PIGR: variants seen among roughly 807,000 people sequenced by gnomAD.
The protein encoded by PIGR is polymeric immunoglobulin receptor, also known as hepatocellular carcinoma associated protein TB6.
PIGR carries 22 observed loss-of-function variants against 69.5 expected under a neutral mutation model. The ratio of observed to expected loss-of-function variants is 0.32; its 90% CI spans 0.23 to 0.45. The LOEUF (loss-of-function observed/expected upper bound fraction) is 0.45. Among genes scored for constraint, PIGR ranks in the 20% least tolerant of loss-of-function variants. The pLI, the probability that PIGR is intolerant of heterozygous loss-of-function variation, is 1.00. For synonymous variants in PIGR, 413 were observed against 407.6 expected, an observed-to-expected ratio of 1.01 and a Z score of -0.16; for missense variants, 885 against 974.0, an observed-to-expected ratio of 0.91 and a Z score of 1.22.
At chr1:206,931,400 C>T (rs932291759) in intron 10 of PIGR, 97 bp downstream of exon 10, 30 of 1,610,224 alleles carry the variant, frequency 1.9e-5, no homozygotes, top group South Asian at 6.6e-5. Context: ...ATTCTGGGAT[C>T]GGCCCCCATG....
rs917105320 is a variant in PIGR, at chr1:206,935,156, A to G, written c.1378+330T>C. Among the ~76,000 whole-genome samples, 1 of 152,154 alleles carries G rather than the reference A, an allele frequency of 6.6e-6. No individual in the cohort carries two copies. Among genetic ancestry groups the G allele is most frequent in the African/African-American group, 2.4e-5 (1 of 41,420 alleles). ...ATCCAGAGTCTACCATAGACCATAG[A>G]TCTTCACACATGGACTTCAGTTTGC... is the stretch of plus-strand genomic sequence containing the variant. On this transcript the variant is annotated intron_variant, in intron 5 of 10. Coordinates refer to ENST00000356495, the MANE Select transcript of PIGR (RefSeq NM_002644.4). This position sits in a 1 kb window ranked among gnomAD's most constrained non-coding sequence, Gnocchi z 4.4.
At chr1:206,940,664 A>C in intron 1 of PIGR, 80 bp from the exon 2 acceptor site, 1 of 863,598 alleles carries the variant, frequency 1.2e-6, no homozygotes. Flanking sequence ...TGTGACATCT[A>C]TTTGGCTTTG....
At position 206,930,295 on chromosome 1, in the gene PIGR, C is replaced by T. The variant is rs1274385794; in HGVS notation, c.*23G>A. 2 of 1,595,938 alleles carry T rather than the reference C, an allele frequency of 1.3e-6. No homozygotes were observed. The highest frequency in any genetic ancestry group is 1.1e-5 in the South Asian group (1 of 88,954). The stretch of plus-strand genomic sequence containing the variant: ...ATTCTGAAGGTGATTGTCATGGGTG[C>T]AGGGAGCAGGCGGCGACACCGTCTA... On this transcript the variant is annotated 3_prime_UTR_variant, in exon 11 of 11. Transcript: ENST00000356495. The surrounding 1 kb of genome is among the most constrained non-coding windows in gnomAD (Gnocchi z 4.3).
In PIGR at chr1:206,939,310, G is replaced by A; in HGVS notation, c.197C>T (p.Thr66Ile). ...CRQGARGGCITLISSEGYVSS... is the reference protein window; with the variant it reads ...CRQGARGGCIILISSEGYVSS... Reference sequence around the variant, plus strand: ...GACGTAGCCCTCCGAGGAGATGAGGGTTATGCAGCCACCTCTAGCTCCCTG... The same window carrying A: ...GACGTAGCCCTCCGAGGAGATGAGGATTATGCAGCCACCTCTAGCTCCCTG... Residue 66 changes from threonine to isoleucine, a missense_variant, in exon 3 of 11, where the codon ACC becomes ATC. Physicochemically the swap from Thr to Ile is moderately conservative, Grantham distance 89. Coordinates refer to ENST00000356495, the MANE Select transcript of PIGR (RefSeq NM_002644.4). The A allele has an allele frequency of 6.2e-7, 1 of 1,614,244 alleles. No homozygotes were observed. The highest frequency in any genetic ancestry group is 8.5e-7 in the Non-Finnish European group (1 of 1,180,052).
chr1:206,937,389 C>T lies in PIGR; in HGVS notation c.751G>A (p.Gly251Ser). 1 of 1,613,982 alleles carries T rather than the reference C, an allele frequency of 6.2e-7. No homozygotes were observed. The highest frequency in any genetic ancestry group is 1.1e-5 in the South Asian group (1 of 91,074). ...AGGGCACAGTGGAAGGTCACTGAGCCCCTCAGGTCTTCATAAACCAGCTCG... is the reference window on the plus strand; with the variant it reads ...AGGGCACAGTGGAAGGTCACTGAGCTCCTCAGGTCTTCATAAACCAGCTCG... ...EPELVYEDLRGSVTFHCALGP... is the reference protein window; with the variant it reads ...EPELVYEDLRSSVTFHCALGP... Residue 251 changes from glycine to serine, a missense_variant, in exon 4 of 11, where the codon GGC becomes AGC. By Grantham distance (56) the Gly-to-Ser change is moderately conservative. Transcript: ENST00000356495.
chr1:206,933,283 G>A (rs1572642583), intron 6 of PIGR, 117 bp from the exon 7 acceptor site: 2 of 986,336 alleles, frequency 2.0e-6, no homozygotes, highest in Non-Finnish European at 3.0e-6. Context: ...TCGATCTCAA[G>A]GCTGTTGGGG....
chr1:206,937,088 G>A lies in PIGR; in HGVS notation c.1045+7C>T, dbSNP rs751268062. The A allele has an allele frequency of 1.3e-6, 2 of 1,585,252 alleles. No individual in the cohort carries two copies. Among genetic ancestry groups the A allele is most frequent in the Non-Finnish European group, 1.7e-6 (2 of 1,165,586 alleles). Reference sequence around the variant, plus strand: ...CACCTACTCCCCCTCCCTCTCTAGGGTCTTACCCTCATTGACGAAGAGTTG... The same window carrying A: ...CACCTACTCCCCCTCCCTCTCTAGGATCTTACCCTCATTGACGAAGAGTTG... On this transcript the variant is annotated splice_region_variant and intron_variant, in intron 4 of 10. Transcript: ENST00000356495.
Position 206,930,138 on chromosome 1 carries a change from G to C in PIGR, c.*180C>G, listed in dbSNP as rs1341479295. On this transcript the variant is annotated 3_prime_UTR_variant, in exon 11 of 11. Coordinates refer to ENST00000356495, the MANE Select transcript of PIGR (RefSeq NM_002644.4). This position sits in a 1 kb window ranked among gnomAD's most constrained non-coding sequence, Gnocchi z 4.3. ...CTCATGCCACCCTCATCCCCAATAG[G>C]AACAATTAGGCCAGGCTTTGATGTC... is the stretch of plus-strand genomic sequence containing the variant. 2.1e-6 allele frequency: 1 copy of C among 472,334 alleles called. No individual in the cohort carries two copies. The highest frequency in any genetic ancestry group is 2.0e-5 in the African/African-American group (1 of 50,262). The allele number at this position is 472,334 out of a possible 1,614,324, so 29.3% of individuals were successfully genotyped here. A position where few individuals can be genotyped will look rare whatever the true frequency, so the allele number is the denominator to read the frequency against.
rs750785108 is a variant in PIGR at position 206,940,548 on chromosome 1, G to A, written c.-17C>T. ...GAGCAGCATTGCTGGTGGGTCCCGA[G>A]CGCCGCACCACTCAGGCCGACTTCT... On this transcript the variant is annotated 5_prime_UTR_variant, in exon 2 of 11. Coordinates refer to ENST00000356495, the MANE Select transcript of PIGR (RefSeq NM_002644.4). 6.4e-7 allele frequency: 1 copy of A among 1,550,472 alleles called. No homozygotes were observed. Among genetic ancestry groups the A allele is most frequent in the South Asian group, 1.2e-5 (1 of 83,856 alleles).
chr1:206,933,388 C>A (rs986062918), intron 6 of PIGR, among the ~76,000 whole-genome samples: 10 of 152,182 alleles, frequency 6.6e-5, no homozygotes, highest in Admixed American at 6.5e-4. Flanking sequence ...ATAGTGGGGA[C>A]CTTCAAGGCT....
intron 6 of PIGR, among the ~76,000 whole-genome samples, 162 bp downstream of exon 6, chr1:206,934,258 G>A (rs1214377681): frequency 6.6e-6 from 1 of 152,130 alleles, no homozygotes; most frequent in Non-Finnish European, 1.5e-5. Flanking sequence ...GCTCAACGAG[G>A]CTATATAGGA....
intron 8 of PIGR, 125 bp from the exon 9 acceptor site, chr1:206,931,927 A>G (rs1049020998): frequency 3.8e-5 from 39 of 1,021,530 alleles, no homozygotes; most frequent in Non-Finnish European, 5.9e-5. Context: ...TGCAGCTCTG[A>G]CTATGACCCA....
intron 3 of PIGR, 44 bp downstream of exon 3, chr1:206,939,075 C>G (rs749855694): frequency 2.0e-6 from 3 of 1,498,842 alleles, no homozygotes; most frequent in Middle Eastern, 4.2e-4. Context: ...TTAGAGAATT[C>G]CCTCTAACTT....
Position 206,935,790 on chromosome 1 carries a change from C to A in PIGR, c.1074G>T (p.Val358=), listed in dbSNP as rs762172373. ...EESTIPRSPT[V]VKGVAGGSVA... ...CAGAGCCTCCTGCCACCCCCTTCAC[C>A]ACAGTGGGGCTGCGGGGAATCGTGG... The change falls in exon 5 of 11, where the codon GTG becomes GTT. Residue 358 remains valine, a synonymous_variant. Transcript: ENST00000356495. The surrounding 1 kb of genome is among the most constrained non-coding windows in gnomAD (Gnocchi z 4.4). 6.2e-7 allele frequency: 1 copy of A among 1,606,880 alleles called. No individual in the cohort carries two copies. The highest frequency in any genetic ancestry group is 8.5e-7 in the Non-Finnish European group (1 of 1,174,304).
In PIGR at chr1:206,939,180, C is replaced by T. The variant is rs1479149080; in HGVS notation, c.327G>A (p.Lys109=). ...CTCGGCTATTGATGCCCAGGCCACA[C>T]TTGTAGCGCCCGGAGTCATCCTGGC... is the stretch of plus-strand genomic sequence containing the variant. ...QLSQDDSGRY[K]CGLGINSRGL... Residue 109 remains lysine (K), a synonymous_variant, in exon 3 of 11, where the codon AAG becomes AAA. Coordinates refer to ENST00000356495, the MANE Select transcript of PIGR (RefSeq NM_002644.4). 1.2e-6 allele frequency: 2 copies of T among 1,614,174 alleles called. No individual in the cohort carries two copies. Among genetic ancestry groups the T allele is most frequent in the Non-Finnish European group, 1.7e-6 (2 of 1,180,036 alleles).
Position 206,935,698 on chromosome 1 carries a change from C to G in PIGR, c.1166G>C (p.Gly389Ala). ...KSIKYWCLWE[G>A]AQNGRCPLLV... Reference sequence around the variant, plus strand: ...CAGGGGGCAGCGGCCATTCTGGGCCCCTTCCCAGAGACACCAGTACTTGAT... The same window carrying G: ...CAGGGGGCAGCGGCCATTCTGGGCCGCTTCCCAGAGACACCAGTACTTGAT... The change falls in exon 5 of 11, where the codon GGG becomes GCG. Residue 389 changes from glycine to alanine, a missense_variant. Transcript: ENST00000356495. This position sits in a 1 kb window ranked among gnomAD's most constrained non-coding sequence, Gnocchi z 4.4. 6.2e-7 allele frequency: 1 copy of G among 1,614,062 alleles called. No individual in the cohort carries two copies. Among genetic ancestry groups the G allele is most frequent in the Non-Finnish European group, 8.5e-7 (1 of 1,180,006 alleles).
chr1:206,931,588 C>T lies in PIGR; in HGVS notation c.2141-33G>A, dbSNP rs371642722. ...AAGAAAGAGGGTAGGTTAGCCCTTA[C>T]TAGCCTCCTTTTCCCAACCCAGATG... On this transcript the variant is annotated intron_variant, in intron 9 of 10. Transcript: ENST00000356495. 1,736 of 1,613,894 alleles carry T rather than the reference C, an allele frequency of 1.1e-3. 4 individuals are homozygous for T. The highest frequency in any genetic ancestry group is 1.3e-3 in the Non-Finnish European group (1,548 of 1,179,812).
chr1:206,930,264 G>T lies in PIGR; in HGVS notation c.*54C>A, dbSNP rs963305732. Reference sequence around the variant, plus strand: ...CCCAGGAGCTGAGGGCCCCAGGATCGACATGATTCTGAAGGTGATTGTCAT... The same window carrying T: ...CCCAGGAGCTGAGGGCCCCAGGATCTACATGATTCTGAAGGTGATTGTCAT... On this transcript the variant is annotated 3_prime_UTR_variant, in exon 11 of 11. Transcript: ENST00000356495. The surrounding 1 kb of genome is among the most constrained non-coding windows in gnomAD (Gnocchi z 4.3). 1 of 1,494,538 alleles carries T rather than the reference G, an allele frequency of 6.7e-7. No individual in the cohort carries two copies. The highest frequency in any genetic ancestry group is 9.1e-7 in the Non-Finnish European group (1 of 1,098,998). The allele number at this position is 1,494,538 out of a possible 1,614,324, so 92.6% of individuals were successfully genotyped here.
chr1:206,943,205 C>T (rs529281602), intron 1 of PIGR, among the ~76,000 whole-genome samples: 2 of 152,286 alleles, frequency 1.3e-5, no homozygotes, highest in Middle Eastern at 3.4e-3. Context: ...TCTTGTAAGA[C>T]TTCATCCATC....
Sources: allele counts gnomAD v4.1 joint callset (sites outside exome capture counted in the v4.1 genomes callset), GRCh38; gene constraint gnomAD v4.1.1; non-coding constraint Gnocchi (gnomAD v3.1); transcripts MANE v1.5; gene names NCBI Gene and HGNC (gene_info 2026-07-23, HGNC 2026-07-21).